DRC9: variants seen among roughly 807,000 people sequenced by gnomAD.
The protein encoded by DRC9 is dynein regulatory complex protein 9.
At chr3:197,900,176 C>A in the DRC9 span, among the ~76,000 whole-genome samples, 5 of 152,210 alleles carry the variant, frequency 3.3e-5, no homozygotes, top group Admixed American at 2.6e-4. The surrounding 1 kb of genome is among the most constrained non-coding windows in gnomAD (Gnocchi z 4.7). Context: ...CCTCAATACA[C>A]TTGAAAGGCG....
the DRC9 span, chr3:197,938,612 A>C: frequency 1.2e-6 from 2 of 1,614,140 alleles, no homozygotes; most frequent in Non-Finnish European, 1.7e-6. Flanking sequence ...GGTTTTTTGA[A>C]GACAAGATCC....
chr3:197,953,120 G>A, the DRC9 span, among the ~76,000 whole-genome samples: 1 of 152,222 alleles, frequency 6.6e-6, no homozygotes, highest in South Asian at 2.1e-4. Flanking sequence ...GACAACAAGA[G>A]CAAATCCTAT....
the DRC9 span, among the ~76,000 whole-genome samples, chr3:197,909,766 G>A: frequency 1.3e-5 from 2 of 152,224 alleles, no homozygotes; most frequent in Admixed American, 6.5e-5. Context: ...GCTGAGGCCA[G>A]CAGATCACTT....
the DRC9 span, among the ~76,000 whole-genome samples, chr3:197,911,279 C>A: frequency 6.6e-6 from 1 of 152,144 alleles, no homozygotes; most frequent in Non-Finnish European, 1.5e-5. Context: ...TGCAACACTG[C>A]TAACGGCAGC....
At chr3:197,942,092 A>G in the DRC9 span, among the ~76,000 whole-genome samples, 1 of 152,176 alleles carries the variant, frequency 6.6e-6, no homozygotes, top group Non-Finnish European at 1.5e-5. Context: ...GAAGGGATCT[A>G]TGGGTCATTT....
At chr3:197,920,428 A>T in the DRC9 span, among the ~76,000 whole-genome samples, 11 of 71,112 alleles carry the variant, frequency 1.5e-4, no homozygotes, top group African/African-American at 1.1e-3. Context: ...CATCTCAATT[A>T]AAAAAAAAAA....
chr3:197,938,317 C>CAAAA, the DRC9 span, among the ~76,000 whole-genome samples: 170 of 114,382 alleles, frequency 1.5e-3, 1 homozygote, highest in Middle Eastern at 5.4e-3. Context: ...AACTCCATCT[C>CAAAA]AAAAAAAAAA....
the DRC9 span, among the ~76,000 whole-genome samples, chr3:197,910,272 C>T: frequency 2.0e-5 from 3 of 151,840 alleles, no homozygotes; most frequent in Admixed American, 1.3e-4. Context: ...TGCACTGAAG[C>T]CTGGGAAACA....
the DRC9 span, chr3:197,950,351 G>C: frequency 3.3e-6 from 4 of 1,222,500 alleles, no homozygotes; most frequent in Non-Finnish European, 4.1e-6. Context: ...TTCAAGAAGA[G>C]GGAGAACAGG....
the DRC9 span, among the ~76,000 whole-genome samples, chr3:197,935,274 C>T: frequency 6.6e-6 from 1 of 151,998 alleles, no homozygotes; most frequent in African/African-American, 2.4e-5. Flanking sequence ...AACCCTGTCT[C>T]TACTAAAAAT....
chr3:197,950,309 G>A, the DRC9 span: 2 of 1,229,460 alleles, frequency 1.6e-6, no homozygotes, highest in South Asian at 8.5e-5. Flanking sequence ...GGTGCGTATC[G>A]GAGTCTCTGC....
At chr3:197,949,772 T>A in the DRC9 span, 1 of 326,952 alleles carries the variant, frequency 3.1e-6, no homozygotes, top group African/African-American at 2.1e-5. Context: ...GATCCCAGAA[T>A]TTCCGTTCTG....
At chr3:197,920,037 TA>T in the DRC9 span, among the ~76,000 whole-genome samples, 452 of 138,142 alleles carry the variant, frequency 3.3e-3, no homozygotes, top group African/African-American at 4.1e-3. Flanking sequence ...CCATCTCTAC[TA>T]AAAAAAAAAA....
the DRC9 span, among the ~76,000 whole-genome samples, chr3:197,904,797 T>C: frequency 6.6e-6 from 1 of 152,010 alleles, no homozygotes; most frequent in Admixed American, 6.6e-5. Flanking sequence ...GAGGCAGAGA[T>C]TGCAGTGAGC....
the DRC9 span, among the ~76,000 whole-genome samples, chr3:197,892,142 G>T: frequency 1.1e-4 from 16 of 152,128 alleles, no homozygotes; most frequent in Non-Finnish European, 1.5e-5. Context: ...TGCTCGCCTC[G>T]GCCTCCCAAA....
At chr3:197,914,119 C>G in the DRC9 span, 3 of 1,199,502 alleles carry the variant, frequency 2.5e-6, no homozygotes, top group South Asian at 2.4e-5. Flanking sequence ...CTTACGGTTC[C>G]CTTTTATGCG....
At chr3:197,913,325 T>TGC in the DRC9 span, 15 of 190,902 alleles carry the variant, frequency 7.9e-5, no homozygotes, top group Non-Finnish European at 1.6e-4. Context: ...GCTTTGCGTG[T>TGC]GTGCGTGCGT....
chr3:197,900,610 G>A, the DRC9 span, among the ~76,000 whole-genome samples: 1 of 150,440 alleles, frequency 6.6e-6, no homozygotes, highest in Non-Finnish European at 1.5e-5. This position sits in a 1 kb window ranked among gnomAD's most constrained non-coding sequence, Gnocchi z 4.7. Flanking sequence ...CAGGGCACTC[G>A]GCAGAGGATA....
the DRC9 span, among the ~76,000 whole-genome samples, chr3:197,915,826 T>A: frequency 6.6e-6 from 1 of 152,192 alleles, no homozygotes; most frequent in South Asian, 2.1e-4. Flanking sequence ...ATGGGGTTTC[T>A]CTACATTGGT....
Sources: gnomAD v4.1 joint callset for allele counts (sites outside exome capture counted in the v4.1 genomes callset) on GRCh38, gnomAD v4.1.1 for gene constraint, Gnocchi (gnomAD v3.1) non-coding constraint, MANE v1.5 for transcripts, NCBI Gene and HGNC (gene_info 2026-07-23, HGNC 2026-07-21) for gene names.